The following RTTN variants were observed in gnomAD, a reference collection of about 807,000 sequenced individuals.
The protein encoded by RTTN is rotatin.
Under a neutral mutation model 269.2 loss-of-function variants are expected in RTTN, and 182 were observed. The observed-to-expected ratio is 0.68, with a 90% confidence interval of 0.60 to 0.76. RTTN has a LOEUF of 0.76. Ranked by LOEUF, RTTN falls within the 30% of genes least tolerant of loss-of-function variation. The pLI, the probability that RTTN is intolerant of heterozygous loss-of-function variation, is 0.00. For missense variants in RTTN, 2,545 were observed against 2,608.6 expected (o/e 0.98, Z 0.53); for synonymous variants, 1,006 against 963.5 (o/e 1.04, Z -0.82).
At chr18:70,018,826 C>CTTT (rs5825984) in intron 45 of RTTN, among the ~76,000 whole-genome samples, 2 of 48,958 alleles carry the variant, frequency 4.1e-5, no homozygotes, top group African/African-American at 6.2e-5. Flanking sequence ...GTGGGCACTC[C>CTTT]TTTTTTTTTT....
intron 21 of RTTN, among the ~76,000 whole-genome samples, chr18:70,135,525 C>G (rs1170042580): frequency 2.6e-5 from 4 of 152,058 alleles, no homozygotes; most frequent in Non-Finnish European, 5.9e-5. Context: ...CTAATAAGTT[C>G]TCAGAGGATG....
chr18:70,099,098 G>C (rs779560978), intron 28 of RTTN, among the ~76,000 whole-genome samples: 9 of 151,908 alleles, frequency 5.9e-5, no homozygotes, highest in Non-Finnish European at 8.8e-5. Context: ...TAATCCTTTG[G>C]GTATATACCC....
Position 70,205,177 on chromosome 18 carries a change from G to T in RTTN, c.170C>A (p.Ser57Tyr). Residue 57 changes from serine to tyrosine, a missense_variant, in exon 2 of 49, where the codon TCC becomes TAC. Physicochemically the swap from Ser to Tyr is moderately radical, Grantham distance 144. Coordinates refer to ENST00000640769, the MANE Select transcript of RTTN (RefSeq NM_173630.4). ...LHLLEWFNFP[S>Y]VPMKEEVLNL... ...CAGAACCTCTTCCTTCATCGGAACG[G>T]ACGGGAAATTGAACCATTCCAGCAA... 6.2e-7 allele frequency: 1 copy of T among 1,614,206 alleles called. No individual in the cohort carries two copies. Among genetic ancestry groups the T allele is most frequent in the Non-Finnish European group, 8.5e-7 (1 of 1,180,044 alleles).
At chr18:70,108,056 C>G (rs1164649577) in intron 28 of RTTN, among the ~76,000 whole-genome samples, 1 of 152,204 alleles carries the variant, frequency 6.6e-6, no homozygotes, top group African/African-American at 2.4e-5. Flanking sequence ...GGGTGTGGAT[C>G]ACCTGAGATC....
At chr18:70,198,113 C>G (rs777061122) in intron 5 of RTTN, among the ~76,000 whole-genome samples, 20 of 152,112 alleles carry the variant, frequency 1.3e-4, no homozygotes, top group Non-Finnish European at 2.4e-4. Context: ...AGAAATGAGA[C>G]AGAACAAAAG....
chr18:70,049,183 A>G (rs535854268), intron 39 of RTTN, among the ~76,000 whole-genome samples: 43 of 152,324 alleles, frequency 2.8e-4, no homozygotes, highest in African/African-American at 9.4e-4. Flanking sequence ...CAACTTTTGT[A>G]GCATGAAAGC....
At chr18:70,055,209 G>T (rs570913862) in intron 37 of RTTN, among the ~76,000 whole-genome samples, 3 of 152,080 alleles carry the variant, frequency 2.0e-5, no homozygotes, top group African/African-American at 7.2e-5. Context: ...AATGAGCTGT[G>T]ATGTCTCATT....
chr18:70,024,422 ACAT>A (rs2056793429), intron 44 of RTTN, among the ~76,000 whole-genome samples: 1 of 152,172 alleles, frequency 6.6e-6, no homozygotes, highest in African/African-American at 2.4e-5. Flanking sequence ...TTGAGGTCTT[ACAT>A]CATAATTTTT....
intron 6 of RTTN, among the ~76,000 whole-genome samples, chr18:70,197,294 G>A (rs79226724): frequency 1.3e-5 from 2 of 152,138 alleles, no homozygotes; most frequent in African/African-American, 2.4e-5. Context: ...TTAAATAAAC[G>A]AGATACTCAA....
At chr18:70,039,221 C>A (rs1404381403) in intron 40 of RTTN, among the ~76,000 whole-genome samples, 1 of 151,878 alleles carries the variant, frequency 6.6e-6, no homozygotes, top group Non-Finnish European at 1.5e-5. Flanking sequence ...GGTTAGAGAC[C>A]ACCAAGCAGA....
At position 70,158,534 on chromosome 18, in the gene RTTN, C is replaced by T. The variant is rs1012369500; in HGVS notation, c.1929+7528G>A. On this transcript the variant is annotated intron_variant, in intron 14 of 48. Transcript: ENST00000640769. ...CCACTGACACTATGATGCAACTATACAATCAAGTCTACGTAACAACCAGCT... is the reference window on the plus strand; with the variant it reads ...CCACTGACACTATGATGCAACTATATAATCAAGTCTACGTAACAACCAGCT... Among the ~76,000 whole-genome samples, 5 of 152,264 alleles carry T rather than the reference C, an allele frequency of 3.3e-5. No individual in the cohort carries two copies. The East Asian group carries it at 9.7e-4, about 29-fold the overall frequency.
chr18:70,066,321 T>G (rs1298271437), intron 34 of RTTN, among the ~76,000 whole-genome samples: 2 of 152,218 alleles, frequency 1.3e-5, no homozygotes, highest in African/African-American at 2.4e-5. Context: ...ATGGCACATA[T>G]AAATTTTAAT....
At chr18:70,082,380 A>G (rs1368416266) in intron 32 of RTTN, among the ~76,000 whole-genome samples, 1 of 151,408 alleles carries the variant, frequency 6.6e-6, no homozygotes, top group East Asian at 2.0e-4. Flanking sequence ...GTGAATCTCC[A>G]ATATTTAGAC....
chr18:70,120,249 C>G (rs889909678), intron 26 of RTTN, among the ~76,000 whole-genome samples: 1 of 152,090 alleles, frequency 6.6e-6, no homozygotes, highest in Non-Finnish European at 1.5e-5. Flanking sequence ...TGCAAGAAGG[C>G]TCTCACCAGA....
chr18:70,144,663 G>A (rs558837545), intron 18 of RTTN, among the ~76,000 whole-genome samples: 1 of 152,274 alleles, frequency 6.6e-6, no homozygotes, highest in African/African-American at 2.4e-5. Context: ...ACTCAGGGAA[G>A]TCCCAACCAG....
chr18:70,154,579 T>C (rs1490460277), intron 14 of RTTN, among the ~76,000 whole-genome samples: 1 of 152,136 alleles, frequency 6.6e-6, no homozygotes, highest in African/African-American at 2.4e-5. Flanking sequence ...ACCTCTAAAA[T>C]CATAAATGTA....
chr18:70,199,164 T>A (rs1339374482), intron 5 of RTTN, among the ~76,000 whole-genome samples: 2 of 152,028 alleles, frequency 1.3e-5, no homozygotes, highest in African/African-American at 4.8e-5. Flanking sequence ...CCAGCCCGGG[T>A]GACAGAGTGA....
At chr18:70,107,339 T>C (rs775930247) in intron 28 of RTTN, among the ~76,000 whole-genome samples, 13 of 152,238 alleles carry the variant, frequency 8.5e-5, no homozygotes, top group Non-Finnish European at 1.9e-4. Context: ...CATATTCTCA[T>C]GTTCCAGAAG....
intron 43 of RTTN, among the ~76,000 whole-genome samples, chr18:70,026,739 T>C (rs1297706346): frequency 1.3e-5 from 2 of 152,220 alleles, no homozygotes; most frequent in African/African-American, 2.4e-5. Flanking sequence ...TTTCCAAAGA[T>C]ATGACCTTGG....
Sources: allele counts gnomAD v4.1 joint callset (sites outside exome capture counted in the v4.1 genomes callset), GRCh38; gene constraint gnomAD v4.1.1; transcripts MANE v1.5; gene names NCBI Gene and HGNC (gene_info 2026-07-23, HGNC 2026-07-21).